DZIP1L: variants seen among roughly 807,000 people sequenced by gnomAD.
DZIP1L encodes the protein cilium assembly protein DZIP1L.
In DZIP1L, 90 loss-of-function variants were observed where a neutral mutation model predicts 88.7. The ratio of observed to expected loss-of-function variants is 1.02; its 90% CI spans 0.86 to 1.21. The LOEUF (loss-of-function observed/expected upper bound fraction) is 1.21, where lower values mean the gene tolerates loss of function less well. Ranked by LOEUF, DZIP1L falls within the 50% of genes most tolerant of loss-of-function variation. The probability of loss-of-function intolerance (pLI) is 0.00; values close to 1 mark genes in which losing one functional copy is unlikely to be tolerated. For missense variants in DZIP1L, 932 were observed against 955.8 expected (o/e 0.98, Z 0.33); for synonymous variants, 363 against 372.1 (o/e 0.98, Z 0.28).
Position 138,086,982 on chromosome 3 carries a change from C to G in DZIP1L, c.1041G>C (p.Glu347Asp). The change falls in exon 7 of 16, where the codon GAG becomes GAC. Residue 347 changes from glutamate to aspartate, a missense_variant. Coordinates refer to ENST00000327532, the MANE Select transcript of DZIP1L (RefSeq NM_173543.3). ...CTACCTCTTTCTTCTCAGCCATGTG[C>G]TCTTCATGCAGTTCCTTCACTTTTC... ...WKRKVKELHEEHMAEKKELQE... is the reference protein window; with the variant it reads ...WKRKVKELHEDHMAEKKELQE... The G allele has an allele frequency of 1.2e-6, 2 of 1,614,080 alleles. No homozygotes were observed.
intron 1 of DZIP1L, among the ~76,000 whole-genome samples, chr3:138,110,648 T>G (rs1012405456): frequency 6.6e-6 from 1 of 152,162 alleles, no homozygotes. Context: ...GAGGCCCTAC[T>G]AAGTGCCAGG....
intron 6 of DZIP1L, 145 bp downstream of exon 6, chr3:138,088,234 A>G (rs1944036219): frequency 8.4e-7 from 1 of 1,193,404 alleles, no homozygotes; most frequent in Non-Finnish European, 1.1e-6. Flanking sequence ...ACCCTATTCT[A>G]TGCTTTCATG....
intron 11 of DZIP1L, among the ~76,000 whole-genome samples, chr3:138,074,002 A>G (rs2107751355): frequency 6.6e-6 from 1 of 152,240 alleles, no homozygotes; most frequent in East Asian, 1.9e-4. Flanking sequence ...AACACAATCC[A>G]TAGAAGACAA....
chr3:138,102,388 T>C (rs1407873490), intron 2 of DZIP1L: 5 of 1,257,670 alleles, frequency 4.0e-6, no homozygotes, highest in Non-Finnish European at 5.8e-6. Flanking sequence ...TCATACTTGT[T>C]CTCGAAGTCC....
intron 10 of DZIP1L, among the ~76,000 whole-genome samples, chr3:138,077,863 C>A (rs1559833183): frequency 6.6e-6 from 1 of 152,218 alleles, no homozygotes; most frequent in Non-Finnish European, 1.5e-5. Context: ...CCACCTGATA[C>A]CCTCATCTCG....
chr3:138,101,765 T>C (rs895682360), intron 2 of DZIP1L: 45 of 1,029,518 alleles, frequency 4.4e-5, no homozygotes, highest in Non-Finnish European at 6.2e-5. Flanking sequence ...TTCCTATAGG[T>C]GGCGATCTTG....
chr3:138,069,315 T>C (rs1226258308), intron 12 of DZIP1L, among the ~76,000 whole-genome samples: 2 of 152,224 alleles, frequency 1.3e-5, no homozygotes, highest in African/African-American at 4.8e-5. Flanking sequence ...AGCTTATAAT[T>C]CATATAACAT....
intron 3 of DZIP1L, among the ~76,000 whole-genome samples, chr3:138,095,458 T>C (rs1944425486): frequency 6.6e-6 from 1 of 152,108 alleles, no homozygotes; most frequent in Non-Finnish European, 1.5e-5. Context: ...AGTTTTAAGT[T>C]CACTTTTTTC....
chr3:138,082,134 G>A (rs1407843581), intron 8 of DZIP1L, among the ~76,000 whole-genome samples: 1 of 152,232 alleles, frequency 6.6e-6, no homozygotes, highest in Non-Finnish European at 1.5e-5. Flanking sequence ...CTCCCACAAT[G>A]CGGGCGTCTG....
intron 5 of DZIP1L, 64 bp from the exon 6 acceptor site, chr3:138,088,571 C>T: frequency 6.4e-7 from 1 of 1,563,312 alleles, no homozygotes; most frequent in Admixed American, 1.8e-5. Flanking sequence ...TCTTTTATAC[C>T]CAGAACAGTG....
chr3:138,084,008 G>A (rs994149810), intron 8 of DZIP1L, 105 bp downstream of exon 8: 11 of 1,456,370 alleles, frequency 7.6e-6, no homozygotes, highest in Non-Finnish European at 1.0e-5. Context: ...TAAGGAGCCT[G>A]AGTGGTAAGA....
intron 4 of DZIP1L, among the ~76,000 whole-genome samples, chr3:138,092,886 C>A (rs1243840277): frequency 6.6e-6 from 1 of 152,166 alleles, no homozygotes; most frequent in Non-Finnish European, 1.5e-5. Flanking sequence ...CTATTTCCAC[C>A]ACATCTGCAG....
At chr3:138,091,526 G>C (rs1347896548) in intron 5 of DZIP1L, among the ~76,000 whole-genome samples, 1 of 151,048 alleles carries the variant, frequency 6.6e-6, no homozygotes, top group Non-Finnish European at 1.5e-5. Context: ...GCTGAGGCAC[G>C]AGAATCACTT....
chr3:138,097,675 G>T, intron 3 of DZIP1L, 88 bp downstream of exon 3: 1 of 1,226,940 alleles, frequency 8.2e-7, no homozygotes, highest in Non-Finnish European at 1.2e-6. Context: ...AGCAGTTTTG[G>T]GTGCTATAGG....
chr3:138,085,959 G>C (rs1308617614), intron 7 of DZIP1L, among the ~76,000 whole-genome samples: 3 of 152,116 alleles, frequency 2.0e-5, no homozygotes, highest in Non-Finnish European at 4.4e-5. Context: ...CCTTTGTAGG[G>C]ACATGGATGA....
intron 11 of DZIP1L, among the ~76,000 whole-genome samples, chr3:138,076,560 C>G (rs1382457391): frequency 6.6e-6 from 1 of 152,116 alleles, no homozygotes. Context: ...TATATACATA[C>G]CATGGAATAC....
intron 15 of DZIP1L, chr3:138,064,269 G>A (rs1053809811): frequency 2.0e-5 from 18 of 917,060 alleles, no homozygotes; most frequent in Non-Finnish European, 2.5e-5. Flanking sequence ...GGCAGAGTGA[G>A]GGACTGGGGA....
rs2042408382 is a variant in DZIP1L, at chr3:138,104,038, G to A, written c.-67C>T. ...ACCAAGGCCACGGCAGTAGGCCAAG[G>A]AGCTGAGAGAAGGCCTGGAAAATAA... is the stretch of plus-strand genomic sequence containing the variant. On this transcript the variant is annotated 5_prime_UTR_variant, in exon 2 of 16. Transcript: ENST00000327532. 6.5e-7 allele frequency: 1 copy of A among 1,533,540 alleles called. No individual in the cohort carries two copies. Among genetic ancestry groups the A allele is most frequent in the Non-Finnish European group, 8.7e-7 (1 of 1,152,228 alleles). The allele number at this position is 1,533,540 out of a possible 1,614,324, so 95.0% of individuals were successfully genotyped here.
At chr3:138,073,597 T>C (rs1943273449) in intron 11 of DZIP1L, among the ~76,000 whole-genome samples, 1 of 152,170 alleles carries the variant, frequency 6.6e-6, no homozygotes, top group Non-Finnish European at 1.5e-5. Context: ...CCCTCTAACA[T>C]AGTCTACCCA....
Sources: gnomAD v4.1 joint callset for allele counts (sites outside exome capture counted in the v4.1 genomes callset) on GRCh38, gnomAD v4.1.1 for gene constraint, MANE v1.5 for transcripts, NCBI Gene and HGNC (gene_info 2026-07-23, HGNC 2026-07-21) for gene names.